DNAH10: variants seen among roughly 807,000 people sequenced by gnomAD.
The protein encoded by DNAH10 is axonemal beta dynein heavy chain 10.
Under a neutral mutation model 506.6 loss-of-function variants are expected in DNAH10, and 348 were observed. The observed-to-expected ratio is 0.69, with a 90% CI of 0.63 to 0.75. DNAH10 has a LOEUF of 0.75. DNAH10 is among the 30% of genes least tolerant of loss of function. DNAH10 has a pLI of 0.00. For synonymous variants in DNAH10, 2,059 were observed against 2,198.6 expected, an observed-to-expected ratio of 0.94 and a Z score of 1.78; for missense variants, 5,179 against 5,787.1, an observed-to-expected ratio of 0.89 and a Z score of 3.41.
Position 123,850,935 on chromosome 12 carries a change from C to T in DNAH10, c.6150C>T (p.Ile2050=), listed in dbSNP as rs1951134531. 1.9e-6 allele frequency: 3 copies of T among 1,613,722 alleles called. No homozygotes were observed. Among genetic ancestry groups the T allele is most frequent in the South Asian group, 2.2e-5 (2 of 91,022 alleles). ...ISLDSRMGIF[I]TMNPGYAGRT... ...TGGACTCCCGCATGGGCATCTTCAT[C>T]ACCATGAACCCCGGCTACGCAGGCC... Residue 2050 remains isoleucine, a synonymous_variant, in exon 35 of 79, where the codon ATC becomes ATT. Transcript: ENST00000673944. This position sits in a 1 kb window ranked among gnomAD's most constrained non-coding sequence, Gnocchi z 5.5.
intron 59 of DNAH10, among the ~76,000 whole-genome samples, chr12:123,912,557 C>T (rs1481617038): frequency 4.6e-5 from 7 of 151,908 alleles, no homozygotes; most frequent in Non-Finnish European, 1.0e-4. Context: ...CACTGGATGC[C>T]AGCAGCACCC....
chr12:123,813,921 A>G lies in DNAH10; in HGVS notation c.3780+9A>G, dbSNP rs1959043941. The G allele has an allele frequency of 6.4e-7, 1 of 1,567,730 alleles. No individual in the cohort carries two copies. The highest frequency in any genetic ancestry group is 1.2e-5 in the South Asian group (1 of 83,024). ...CAATGTATAACCTCTTTGTAAGTCA[A>G]CTTGTATTTTCTTATTCATTTAACA... On this transcript the variant is annotated intron_variant, in intron 21 of 78. Transcript: ENST00000673944.
intron 41 of DNAH10, 136 bp downstream of exon 41, chr12:123,866,209 G>T (rs1418903886): frequency 7.2e-5 from 13 of 179,882 alleles, no homozygotes; most frequent in Non-Finnish European, 1.0e-4. Context: ...CACAAAATAA[G>T]TGAAAACATG....
Position 123,918,715 on chromosome 12 carries a change from G to A in DNAH10, c.11272G>A (p.Asp3758Asn), listed in dbSNP as rs1424526864. The change falls in exon 65 of 79, where the codon GAC (aspartate) becomes AAC (asparagine). Residue 3758 changes from aspartate to asparagine, a missense_variant. Coordinates refer to ENST00000673944, the MANE Select transcript of DNAH10 (RefSeq NM_001372106.1). Reference sequence around the variant, plus strand: ...CAAGCTGGCGGAGAAGACAGCCTTGGACATCGACAGGCTGCGGGATGGCTA... The same window carrying A: ...CAAGCTGGCGGAGAAGACAGCCTTGAACATCGACAGGCTGCGGGATGGCTA... ...KLKLAEKTALDIDRLRDGYRP... is the reference protein window; with the variant it reads ...KLKLAEKTALNIDRLRDGYRP... 3 of 1,590,114 alleles carry A rather than the reference G, an allele frequency of 1.9e-6. No individual in the cohort carries two copies. In the South Asian group the frequency reaches 3.4e-5, roughly 18 times the overall value.
chr12:123,932,546 G>T (rs1436061350), intron 76 of DNAH10: 1 of 159,994 alleles, frequency 6.3e-6, no homozygotes, highest in Non-Finnish European at 1.4e-5. Context: ...ATGCATAGGG[G>T]TATATTCCAT....
rs148358039 is a variant in DNAH10, at chr12:123,784,125, C to T, written c.1178C>T (p.Thr393Met). Reference protein sequence around the residue: ...PVFTELFKFHTEASDNVRFLS... With the variant: ...PVFTELFKFHMEASDNVRFLS... ...TTCACCGAGTTATTCAAGTTCCACACGGAGGCCTCAGACAATGTGCGCTTT... is the reference window on the plus strand; with the variant it reads ...TTCACCGAGTTATTCAAGTTCCACATGGAGGCCTCAGACAATGTGCGCTTT... Residue 393 changes from threonine to methionine, a missense_variant, in exon 8 of 79, where the codon ACG (threonine) becomes ATG (methionine). Thr to Met is a moderately conservative substitution (Grantham distance 81). This residue lies in a region of DNAH10 where 4,844 missense variants were observed against 5,430.5 expected (regional missense o/e 0.89). Transcript: ENST00000673944. 1.9e-4 allele frequency: 301 copies of T among 1,614,226 alleles called. No individual in the cohort carries two copies. Among genetic ancestry groups the T allele is most frequent in the African/African-American group, 7.6e-4 (57 of 75,046 alleles).
chr12:123,810,269 A>G (rs1958880742), intron 19 of DNAH10, among the ~76,000 whole-genome samples: 1 of 152,236 alleles, frequency 6.6e-6, no homozygotes, highest in African/African-American at 2.4e-5. Flanking sequence ...CCCCCAGCAC[A>G]CTGGCATCTT....
intron 50 of DNAH10, 120 bp from the exon 51 acceptor site, chr12:123,881,505 T>A: frequency 9.5e-7 from 1 of 1,056,092 alleles, no homozygotes; most frequent in Non-Finnish European, 1.3e-6. Context: ...GTTGTTTGAT[T>A]TTTTCTCGTA....
chr12:123,773,307 G>A (rs1957325610), intron 4 of DNAH10, among the ~76,000 whole-genome samples: 1 of 152,214 alleles, frequency 6.6e-6, no homozygotes, highest in Admixed American at 6.5e-5. Flanking sequence ...CATGGTGATT[G>A]ATTTTTGGTC....
At chr12:123,900,192 A>G (rs546491929) in intron 56 of DNAH10, among the ~76,000 whole-genome samples, 152 of 152,290 alleles carry the variant, frequency 1.0e-3, no homozygotes, top group Non-Finnish European at 1.5e-3. Flanking sequence ...TCATTCCCAC[A>G]TAGCTGCACT....
intron 45 of DNAH10, among the ~76,000 whole-genome samples, chr12:123,873,012 G>A (rs1415522155): frequency 6.6e-6 from 1 of 152,222 alleles, no homozygotes; most frequent in Non-Finnish European, 1.5e-5. Flanking sequence ...CATCCAGGGG[G>A]CTTCCCTCAC....
intron 52 of DNAH10, among the ~76,000 whole-genome samples, chr12:123,890,961 C>T (rs542577198): frequency 6.6e-6 from 1 of 152,232 alleles, no homozygotes; most frequent in South Asian, 2.1e-4. Flanking sequence ...AATGTGATGT[C>T]ATATAGTGTA....
At chr12:123,804,756 C>A in intron 17 of DNAH10, 77 bp from the exon 18 acceptor site, 2 of 1,452,844 alleles carry the variant, frequency 1.4e-6, no homozygotes, top group South Asian at 1.3e-5. Context: ...AGACACACAG[C>A]TCATGTTTGG....
chr12:123,931,560 C>T, intron 74 of DNAH10, 76 bp from the exon 75 acceptor site: 1 of 1,606,082 alleles, frequency 6.2e-7, no homozygotes, highest in Non-Finnish European at 8.5e-7. Context: ...ATGCCTTTCC[C>T]AGAACTGGAA....
At chr12:123,805,511 G>A (rs1040634103) in intron 18 of DNAH10, among the ~76,000 whole-genome samples, 1 of 152,190 alleles carries the variant, frequency 6.6e-6, no homozygotes, top group African/African-American at 2.4e-5. Flanking sequence ...CTCACCCTCA[G>A]CAGCTCAGCC....
chr12:123,780,216 G>A (rs981402503), intron 5 of DNAH10, among the ~76,000 whole-genome samples: 1 of 148,970 alleles, frequency 6.7e-6, no homozygotes, highest in African/African-American at 2.5e-5. Flanking sequence ...GCCCAGGTTG[G>A]AGTGCAGTGG....
At chr12:123,773,170 A>C (rs917366748) in intron 4 of DNAH10, among the ~76,000 whole-genome samples, 1 of 152,246 alleles carries the variant, frequency 6.6e-6, no homozygotes, top group African/African-American at 2.4e-5. Context: ...GCATGTCTGC[A>C]CATATTTGGA....
rs548253381 is a variant in DNAH10 at position 123,817,507 on chromosome 12, G to A, written c.3781-1443G>A. Among the ~76,000 whole-genome samples the A allele has an allele frequency of 2.0e-5, 3 of 152,056 alleles. No homozygotes were observed. In the South Asian group the frequency reaches 6.2e-4, roughly 32 times the overall value. On this transcript the variant is annotated intron_variant, in intron 21 of 78. Coordinates refer to ENST00000673944, the MANE Select transcript of DNAH10 (RefSeq NM_001372106.1). ...CAATCCTTTGAGTGCTTGATTTCAG[G>A]TATTGTCATTATCCATTCCAGAATT...
chr12:123,899,411 G>A (rs1953413567), intron 56 of DNAH10, among the ~76,000 whole-genome samples: 2 of 152,116 alleles, frequency 1.3e-5, no homozygotes, highest in South Asian at 4.1e-4. Flanking sequence ...CTTGTTCCCA[G>A]ATTCCTGCAG....
Sources: gnomAD v4.1 joint callset for allele counts (sites outside exome capture counted in the v4.1 genomes callset) on GRCh38, gnomAD v4.1.1 for gene constraint, gnomAD v4.1.1 regional missense constraint, Gnocchi (gnomAD v3.1) non-coding constraint, MANE v1.5 for transcripts, NCBI Gene and HGNC (gene_info 2026-07-23, HGNC 2026-07-21) for gene names.